TOGARAM1: variants seen among roughly 807,000 people sequenced by gnomAD.
The protein encoded by TOGARAM1 is TOG array regulator of axonemal microtubules protein 1.
TOGARAM1 carries 100 observed loss-of-function variants against 166.6 expected under a neutral mutation model. The observed-to-expected ratio is 0.60, with a 90% confidence interval of 0.51 to 0.71. The LOEUF is 0.71. Ranked by LOEUF, TOGARAM1 falls within the 30% of genes least tolerant of loss-of-function variation. TOGARAM1 has a pLI of 0.00. For synonymous variants in TOGARAM1, 758 were observed against 763.8 expected, an observed-to-expected ratio of 0.99 and a Z score of 0.13; for missense variants, 2,029 against 2,102.7, an observed-to-expected ratio of 0.96 and a Z score of 0.69.
chr14:45,021,304 A>G (rs1381187796), intron 7 of TOGARAM1, among the ~76,000 whole-genome samples: 2 of 151,762 alleles, frequency 1.3e-5, no homozygotes, highest in African/African-American at 2.4e-5. Flanking sequence ...GCATATGGGT[A>G]TGGGGCAGTG....
At chr14:45,052,147 A>T (rs903496067) in intron 14 of TOGARAM1, among the ~76,000 whole-genome samples, 3 of 152,198 alleles carry the variant, frequency 2.0e-5, no homozygotes, top group Admixed American at 2.0e-4. Flanking sequence ...ATGACTAGCC[A>T]TGGAAAAAGT....
intron 6 of TOGARAM1, among the ~76,000 whole-genome samples, chr14:45,011,257 T>G (rs1879773161): frequency 6.6e-6 from 1 of 152,202 alleles, no homozygotes; most frequent in African/African-American, 2.4e-5. Flanking sequence ...ATTTTTGTGT[T>G]ATCATATATA....
intron 1 of TOGARAM1, among the ~76,000 whole-genome samples, chr14:44,972,704 A>G (rs1038105214): frequency 2.6e-5 from 4 of 152,044 alleles, no homozygotes; most frequent in African/African-American, 9.7e-5. Context: ...CTTTTGATTA[A>G]TGTTAGCATG....
At chr14:45,020,639 A>G (rs1594662874) in intron 7 of TOGARAM1, among the ~76,000 whole-genome samples, 1 of 152,246 alleles carries the variant, frequency 6.6e-6, no homozygotes, top group East Asian at 1.9e-4. Flanking sequence ...GAGGAAGCAC[A>G]TAGATTCCGA....
chr14:45,029,891 G>A (rs1366896228), intron 10 of TOGARAM1, among the ~76,000 whole-genome samples: 1 of 151,844 alleles, frequency 6.6e-6, no homozygotes, highest in Non-Finnish European at 1.5e-5. Context: ...GCACGATCTC[G>A]GCTCACTGCA....
intron 1 of TOGARAM1, among the ~76,000 whole-genome samples, chr14:44,986,879 G>A (rs1886833733): frequency 6.6e-6 from 1 of 151,016 alleles, no homozygotes; most frequent in South Asian, 2.1e-4. Flanking sequence ...GGTGGCGGGT[G>A]CCTGTAGTCC....
chr14:44,977,143 T>G (rs752462727), intron 1 of TOGARAM1, among the ~76,000 whole-genome samples: 5 of 152,090 alleles, frequency 3.3e-5, no homozygotes, highest in Non-Finnish European at 7.4e-5. Flanking sequence ...CTCTTCATAT[T>G]CTGCTTTATA....
intron 4 of TOGARAM1, among the ~76,000 whole-genome samples, chr14:45,005,605 A>C (rs1255452810): frequency 2.0e-5 from 3 of 152,080 alleles, no homozygotes; most frequent in African/African-American, 7.2e-5. Context: ...CAAGAGTGAG[A>C]CTCTGTCTCA....
In TOGARAM1 at chr14:45,025,764, T is replaced by G. The variant is rs779531834; in HGVS notation, c.3239-19T>G. On this transcript the variant is annotated intron_variant, in intron 7 of 19. Transcript: ENST00000361462. ...CAAATATGTTTAAGTATTTGTTTTG[T>G]TTTTTGGGGGATTTACAGGGTCATC... is the stretch of plus-strand genomic sequence containing the variant. 6.7e-7 allele frequency: 1 copy of G among 1,487,008 alleles called. No individual in the cohort carries two copies. Among genetic ancestry groups the G allele is most frequent in the Non-Finnish European group, 9.4e-7 (1 of 1,068,564 alleles). 92.1% of individuals were successfully genotyped at this position (1,487,008 alleles called of 1,614,324 possible). A position where few individuals can be genotyped will look rare whatever the true frequency, so the allele number is the denominator to read the frequency against.
chr14:45,000,072 G>A (rs1207639357), intron 3 of TOGARAM1, among the ~76,000 whole-genome samples: 3 of 151,688 alleles, frequency 2.0e-5, no homozygotes, highest in Non-Finnish European at 4.4e-5. Context: ...GGCTCACTGC[G>A]ACCTCCGCCC....
chr14:44,999,743 T>C (rs1159815907), intron 3 of TOGARAM1, among the ~76,000 whole-genome samples: 3 of 152,208 alleles, frequency 2.0e-5, no homozygotes, highest in African/African-American at 7.2e-5. Flanking sequence ...TTGCATTTGC[T>C]TTGATATATA....
At chr14:44,981,709 C>CA (rs1487328516) in intron 1 of TOGARAM1, among the ~76,000 whole-genome samples, 1 of 151,978 alleles carries the variant, frequency 6.6e-6, no homozygotes, top group Non-Finnish European at 1.5e-5. Context: ...TTTTGTATTT[C>CA]AAAAAATTAA....
At chr14:45,034,419 C>CAG (rs1179306604) in intron 11 of TOGARAM1, among the ~76,000 whole-genome samples, 2 of 152,272 alleles carry the variant, frequency 1.3e-5, no homozygotes, top group East Asian at 3.9e-4. Context: ...TAGAGCTCCA[C>CAG]AGAGAGCTCC....
At chr14:45,022,729 G>C (rs1308423577) in intron 7 of TOGARAM1, among the ~76,000 whole-genome samples, 1 of 151,976 alleles carries the variant, frequency 6.6e-6, no homozygotes, top group Non-Finnish European at 1.5e-5. Context: ...GGGTCCTTCT[G>C]TAAGCATTTC....
intron 10 of TOGARAM1, among the ~76,000 whole-genome samples, chr14:45,029,798 C>T (rs1354321918): frequency 2.6e-5 from 4 of 152,060 alleles, no homozygotes; most frequent in Non-Finnish European, 4.4e-5. Flanking sequence ...TATCAGTCTG[C>T]AACATAGTGG....
At chr14:44,984,896 C>T (rs954640138) in intron 1 of TOGARAM1, among the ~76,000 whole-genome samples, 1 of 152,154 alleles carries the variant, frequency 6.6e-6, no homozygotes, top group Non-Finnish European at 1.5e-5. Context: ...TTCTATTTCC[C>T]TGTAACTTTT....
In TOGARAM1 at chr14:44,999,500, A is replaced by G. The variant is rs987763947; in HGVS notation, c.2338+3A>G. The stretch of plus-strand genomic sequence containing the variant: ...AACTAGCAGTCATCAAGAAAAAGGT[A>G]TAAGTTCCAAATTTACTTGGAAACA... On this transcript the variant is annotated splice_donor_region_variant and intron_variant, in intron 3 of 19. Transcript: ENST00000361462. 6 of 1,595,406 alleles carry G rather than the reference A, an allele frequency of 3.8e-6. No individual in the cohort carries two copies. Among genetic ancestry groups the G allele is most frequent in the East Asian group, 4.5e-5 (2 of 44,532 alleles).
chr14:44,980,416 C>T (rs79629753), intron 1 of TOGARAM1, among the ~76,000 whole-genome samples: 5,491 of 152,254 alleles, frequency 0.036, 115 homozygotes, highest in Non-Finnish European at 0.052. Context: ...CTTGTAATTG[C>T]ACCACTTTGA....
intron 11 of TOGARAM1, among the ~76,000 whole-genome samples, chr14:45,043,241 G>A (rs1208386223): frequency 5.3e-5 from 8 of 151,562 alleles, no homozygotes; most frequent in African/African-American, 1.9e-4. Flanking sequence ...GCAGTGGTGC[G>A]ATCTTGGCTC....
Sources: allele counts gnomAD v4.1 joint callset (sites outside exome capture counted in the v4.1 genomes callset), GRCh38; gene constraint gnomAD v4.1.1; transcripts MANE v1.5; gene names NCBI Gene and HGNC (gene_info 2026-07-23, HGNC 2026-07-21).